The following CORO1B variants were observed in gnomAD, a reference collection of about 807,000 sequenced individuals.
The protein encoded by CORO1B is coronin 1B.
Under a neutral mutation model 51.1 loss-of-function variants are expected in CORO1B, and 30 were observed. That is an observed-to-expected ratio of 0.59 (90% CI 0.44 to 0.80). CORO1B has a LOEUF of 0.80. Ranked by LOEUF, CORO1B falls within the 30% of genes least tolerant of loss-of-function variation. The probability of loss-of-function intolerance (pLI) is 0.00; values close to 1 mark genes in which losing one functional copy is unlikely to be tolerated. For synonymous variants in CORO1B, 310 were observed against 289.7 expected (o/e 1.07, Z -0.71); for missense variants, 648 against 700.4 (o/e 0.93, Z 0.84).
At chr11:67,443,069 G>T (rs528710609) in intron 1 of CORO1B, among the ~76,000 whole-genome samples, 1 of 152,206 alleles carries the variant, frequency 6.6e-6, no homozygotes, top group African/African-American at 2.4e-5. Context: ...TCTACTGTGG[G>T]GCCGAGTGAG....
chr11:67,438,767 C>CCGGCTGTCAGACAACA lies in CORO1B; in HGVS notation c.1232_1247dup (p.Pro417ValfsTer3). 6.4e-7 allele frequency: 1 copy of CCGGCTGTCAGACAACA among 1,573,570 alleles called. No homozygotes were observed. Among genetic ancestry groups the CCGGCTGTCAGACAACA allele is most frequent in the Non-Finnish European group, 8.6e-7 (1 of 1,163,442 alleles). ...GGGAGGAGCCCGGGGCCATGGCGGGCCGGCTGTCAGACAACACGTTGCGCC... is the reference window on the plus strand; with the variant it reads ...GGGAGGAGCCCGGGGCCATGGCGGGCCGGCTGTCAGACAACACGGCTGTCAGACAACACGTTGCGCC... On this transcript the variant is annotated stop_gained and frameshift_variant, in exon 10 of 11. Transcript: ENST00000341356. LOFTEE classifies it high-confidence loss of function.
Position 67,437,637 on chromosome 11 carries a change from C to T in CORO1B, c.*739G>A, listed in dbSNP as rs373848571. On this transcript the variant is annotated 3_prime_UTR_variant, in exon 11 of 11. Transcript: ENST00000341356. ...CTTACCATTGGTCCGCAGGCCCCTC[C>T]GTGCCGGGCACCCACCTCCAGCTCT... is the stretch of plus-strand genomic sequence containing the variant. 16 of 1,366,890 alleles carry T rather than the reference C, an allele frequency of 1.2e-5. No homozygotes were observed. The highest frequency in any genetic ancestry group is 1.1e-4 in the East Asian group (4 of 36,226). The allele number at this position is 1,366,890 out of a possible 1,614,324, so 84.7% of individuals were successfully genotyped here. A position where few individuals can be genotyped will look rare whatever the true frequency, so the allele number is the denominator to read the frequency against.
In CORO1B at chr11:67,441,594, C is replaced by T. The variant is rs771191684; in HGVS notation, c.455-80G>A. The T allele has an allele frequency of 7.7e-6, 12 of 1,560,794 alleles. No homozygotes were observed. In the Admixed American group the frequency reaches 1.3e-4, roughly 17 times the overall value. On this transcript the variant is annotated intron_variant, in intron 4 of 10. Transcript: ENST00000341356. The stretch of plus-strand genomic sequence containing the variant: ...TCACCAGGCTGAGGCCCACTCTGCC[C>T]ACCACCCTGGGACAGACGGGTCTCT...
chr11:67,442,457 C>A lies in CORO1B; in HGVS notation c.172G>T (p.Gly58Cys). Residue 58 changes from glycine to cysteine, a missense_variant, in exon 2 of 11, where the codon GGT becomes TGT. By Grantham distance (159) the Gly-to-Cys change is radical. Transcript: ENST00000341356. ...LAVIVEASGG[G>C]AFLVLPLSKT... is the part of the protein sequence containing the mutation. Reference sequence around the variant, plus strand: ...CTTAGGGGGAGCACCAGAAAGGCACCCCCTCCACTGGCCTCCACAATCACC... The same window carrying A: ...CTTAGGGGGAGCACCAGAAAGGCACACCCTCCACTGGCCTCCACAATCACC... The A allele has an allele frequency of 6.2e-7, 1 of 1,613,406 alleles. No individual in the cohort carries two copies. Among genetic ancestry groups the A allele is most frequent in the East Asian group, 2.2e-5 (1 of 44,884 alleles).
At position 67,439,858 on chromosome 11, in the gene CORO1B, A is replaced by T. The variant is rs368869832; in HGVS notation, c.1008-15T>A. On this transcript the variant is annotated splice_polypyrimidine_tract_variant and intron_variant, in intron 8 of 10. Coordinates refer to ENST00000341356, the MANE Select transcript of CORO1B (RefSeq NM_020441.3). Reference sequence around the variant, plus strand: ...GTTTGTAGAACCTGGGGATGCAAGGAGGAGCCACGGGTGGAACCCTCACCG... The same window carrying T: ...GTTTGTAGAACCTGGGGATGCAAGGTGGAGCCACGGGTGGAACCCTCACCG... The T allele has an allele frequency of 1.7e-4, 263 of 1,566,606 alleles. No individual in the cohort carries two copies. The highest frequency in any genetic ancestry group is 2.2e-4 in the Non-Finnish European group (256 of 1,155,792).
At position 67,436,225 on chromosome 11, in the gene CORO1B, GAGCAGC is replaced by G. The variant is rs761732400; in HGVS notation, c.*2145_*2150del. On this transcript the variant is annotated 3_prime_UTR_variant, in exon 11 of 11. Transcript: ENST00000341356. ...GTGCTAGGCCAGTGGCCAGCAGTAG[GAGCAGC>G]AGCAGCAGCAGGACAACGGTGACAG... 4 of 1,547,666 alleles carry G rather than the reference GAGCAGC, an allele frequency of 2.6e-6. No homozygotes were observed. The highest frequency in any genetic ancestry group is 2.4e-5 in the East Asian group (1 of 41,190).
chr11:67,439,823 C>G lies in CORO1B; in HGVS notation c.1028G>C (p.Arg343Pro), dbSNP rs748787820. ...EIARFYKLHE[R>P]KCEPIVMTVP... ...AGTCATGACGATGGGCTCACACTTG[C>G]GCTCATGCAGTTTGTAGAACCTGGG... Residue 343 changes from arginine (R) to proline (P), a missense_variant, in exon 9 of 11, where the codon CGC becomes CCC. By Grantham distance (103) the Arg-to-Pro change is moderately radical. Coordinates refer to ENST00000341356, the MANE Select transcript of CORO1B (RefSeq NM_020441.3). 1.3e-6 allele frequency: 2 copies of G among 1,587,248 alleles called. No individual in the cohort carries two copies. Among genetic ancestry groups the G allele is most frequent in the East Asian group, 2.3e-5 (1 of 43,978 alleles).
chr11:67,437,768 C>G lies in CORO1B; in HGVS notation c.*608G>C. On this transcript the variant is annotated 3_prime_UTR_variant, in exon 11 of 11. Transcript: ENST00000341356. ...CCACCTGCCCCTCCCTGCTGCAGGA[C>G]CCCTGGTCCACACCAGACCCTCCCC... 2.4e-6 allele frequency: 2 copies of G among 819,920 alleles called. No homozygotes were observed. Among genetic ancestry groups the G allele is most frequent in the Non-Finnish European group, 3.4e-6 (2 of 595,036 alleles). The allele number at this position is 819,920 out of a possible 1,614,324, so 50.8% of individuals were successfully genotyped here.
At position 67,441,760 on chromosome 11, in the gene CORO1B, TG is replaced by T. The variant is rs1168128968; in HGVS notation, c.426del (p.Thr143ArgfsTer100). On this transcript the variant is annotated frameshift_variant, in exon 4 of 11. Coordinates refer to ENST00000341356, the MANE Select transcript of CORO1B (RefSeq NM_020441.3). LOFTEE classifies it high-confidence loss of function. The stretch of plus-strand genomic sequence containing the variant: ...GCACTGAGCAGCACGTTTCGGGCCG[TG>T]GGGTGCCAGGCGATGATGCCCACTC... ...TKRVGIIAWH[P>X]TARNVLLSAG... The T allele has an allele frequency of 6.2e-7, 1 of 1,611,240 alleles. No individual in the cohort carries two copies. The highest frequency in any genetic ancestry group is 8.5e-7 in the Non-Finnish European group (1 of 1,179,404).
upstream of CORO1B, chr11:67,443,781 G>A (rs1056142715): frequency 2.0e-6 from 2 of 985,290 alleles, no homozygotes; most frequent in Admixed American, 6.1e-5. Flanking sequence ...TCGCGTTCTT[G>A]CTCCTCATAA....
rs1402970948 is a variant in CORO1B at position 67,437,338 on chromosome 11, C to A, written c.*1038G>T. 2 of 373,088 alleles carry A rather than the reference C, an allele frequency of 5.4e-6. No individual in the cohort carries two copies. The highest frequency in any genetic ancestry group is 3.9e-5 in the East Asian group (1 of 25,888). The allele number at this position is 373,088 out of a possible 1,614,324, so 23.1% of individuals were successfully genotyped here. ...CCACCCCAGGCTGTCCGCCCAGGCT[C>A]CAGGAATGCAAGTTCCCGCTCACAG... On this transcript the variant is annotated 3_prime_UTR_variant, in exon 11 of 11. Transcript: ENST00000341356.
chr11:67,441,694 C>T (rs775819998), intron 4 of CORO1B, 39 bp downstream of exon 4: 27 of 1,342,706 alleles, frequency 2.0e-5, no homozygotes, highest in East Asian at 1.6e-4. Flanking sequence ...TGGAGGGGTC[C>T]GTGGGGGGGG....
In CORO1B at chr11:67,438,544, CT is replaced by C. The variant is rs747479600; in HGVS notation, c.1345-44del. On this transcript the variant is annotated intron_variant, in intron 10 of 10. Coordinates refer to ENST00000341356, the MANE Select transcript of CORO1B (RefSeq NM_020441.3). ...AGGGGTAGGGGGCGGTGGTCAGGGG[CT>C]GCTAAGCCATAGCCCTCCCAAACCC... is the stretch of plus-strand genomic sequence containing the variant. 2.2e-5 allele frequency: 35 copies of C among 1,578,806 alleles called. No homozygotes were observed. In the Middle Eastern group the frequency reaches 6.7e-4, roughly 30 times the overall value.
At position 67,438,265 on chromosome 11, in the gene CORO1B, C is replaced by T; in HGVS notation, c.*111G>A. On this transcript the variant is annotated 3_prime_UTR_variant, in exon 11 of 11. Transcript: ENST00000341356. ...GACGGGTGGGGGTGGGAACTGACCC[C>T]TGCGCTGCCTCAGAGGCTCTGGGCA... is the stretch of plus-strand genomic sequence containing the variant. The T allele has an allele frequency of 7.0e-7, 1 of 1,432,744 alleles. No homozygotes were observed. The allele number at this position is 1,432,744 out of a possible 1,614,324, so 88.8% of individuals were successfully genotyped here.
intron 9 of CORO1B, among the ~76,000 whole-genome samples, chr11:67,439,484 A>G (rs1864354286): frequency 6.6e-6 from 1 of 152,092 alleles, no homozygotes; most frequent in East Asian, 1.9e-4. Context: ...CAGCTGTGTT[A>G]TGGGTCCTGC....
intron 6 of CORO1B, 56 bp downstream of exon 6, chr11:67,441,069 C>G (rs1342992702): frequency 6.2e-7 from 1 of 1,611,806 alleles, no homozygotes; most frequent in Non-Finnish European, 8.5e-7. Context: ...ACCCTGCCTG[C>G]CTGGCCCAGG....
At chr11:67,443,777 T>G, upstream of CORO1B, 3 of 985,296 alleles carry the variant, frequency 3.0e-6, no homozygotes, top group South Asian at 1.4e-4. Context: ...CCCTTCGCGT[T>G]CTTGCTCCTC....
Position 67,441,943 on chromosome 11 carries a change from G to A in CORO1B, c.324+23C>T, listed in dbSNP as rs563841106. 6.2e-6 allele frequency: 10 copies of A among 1,612,924 alleles called. No individual in the cohort carries two copies. The Admixed American group carries it at 6.7e-5, about 11-fold the overall frequency. On this transcript the variant is annotated intron_variant, in intron 3 of 10. Coordinates refer to ENST00000341356, the MANE Select transcript of CORO1B (RefSeq NM_020441.3). Reference sequence around the variant, plus strand: ...CCCTTCGGCCACACCCACGACCCTGGCCCAGCCAGTCCTGTGCCTCACCAT... The same window carrying A: ...CCCTTCGGCCACACCCACGACCCTGACCCAGCCAGTCCTGTGCCTCACCAT...
At position 67,442,418 on chromosome 11, in the gene CORO1B, C is replaced by T. The variant is rs79903011; in HGVS notation, c.201+10G>A. ...GTGCCTCCTCTTCCCCCAACCCTGA[C>T]AGGACCCACCTTGCTTAGGGGGAGC... is the stretch of plus-strand genomic sequence containing the variant. On this transcript the variant is annotated intron_variant, in intron 2 of 10. Transcript: ENST00000341356. The T allele has an allele frequency of 2.3e-3, 3,734 of 1,612,528 alleles. 89 individuals are homozygous for T. The African/African-American group carries it at 0.046, about 20-fold the overall frequency.
Sources: allele counts gnomAD v4.1 joint callset (sites outside exome capture counted in the v4.1 genomes callset), GRCh38; gene constraint gnomAD v4.1.1; transcripts MANE v1.5; gene names NCBI Gene and HGNC (gene_info 2026-07-23, HGNC 2026-07-21).